Variants in RASSF5 observed in about 807,000 individuals in gnomAD.
RASSF5 encodes ras association domain-containing protein 5.
In RASSF5, 25 loss-of-function variants were observed where a neutral mutation model predicts 40.5. The ratio of observed to expected loss-of-function variants is 0.62; its 90% CI spans 0.45 to 0.86. The LOEUF is 0.86. Ranked by LOEUF, RASSF5 falls within the 40% of genes least tolerant of loss-of-function variation. The pLI, the probability that RASSF5 is intolerant of heterozygous loss-of-function variation, is 0.00. For missense variants in RASSF5, 521 were observed against 572.8 expected (o/e 0.91, Z 0.92); for synonymous variants, 246 against 252.4 (o/e 0.97, Z 0.24).
chr1:206,556,807 C>T (rs1164057426), intron 2 of RASSF5, among the ~76,000 whole-genome samples: 1 of 152,086 alleles, frequency 6.6e-6, no homozygotes, highest in East Asian at 1.9e-4. Context: ...GACCCGGCTC[C>T]CCCACCCAGC....
chr1:206,549,274 A>ATTGTAATTTT (rs1477520189), intron 2 of RASSF5, among the ~76,000 whole-genome samples: 1 of 152,056 alleles, frequency 6.6e-6, no homozygotes, highest in East Asian at 1.9e-4. Context: ...TTCCCATCAA[A>ATTGTAATTTT]GGCATTGTAA....
intron 2 of RASSF5, among the ~76,000 whole-genome samples, chr1:206,539,437 C>A (rs1242674401): frequency 6.6e-6 from 1 of 152,170 alleles, no homozygotes; most frequent in Non-Finnish European, 1.5e-5. Flanking sequence ...TTCTGGAACA[C>A]AATCAACAGT....
At position 206,586,972 on chromosome 1, in the gene RASSF5, T is replaced by C; in HGVS notation, c.1251T>C (p.Pro417=). 1 of 1,614,146 alleles carries C rather than the reference T, an allele frequency of 6.2e-7. No homozygotes were observed. The highest frequency in any genetic ancestry group is 2.2e-5 in the East Asian group (1 of 44,888). ...CCTTAAGAGAATCCCAGGGCAAACCTGGGTAACCGGTCCTGCTTCCTCTCC... is the reference window on the plus strand; with the variant it reads ...CCTTAAGAGAATCCCAGGGCAAACCCGGGTAACCGGTCCTGCTTCCTCTCC... ...EEALRESQGK[P]G Residue 417 remains proline (P), a synonymous_variant, in exon 6 of 6, where the codon CCT becomes CCC. Coordinates refer to ENST00000579436, the MANE Select transcript of RASSF5 (RefSeq NM_182663.4).
chr1:206,549,636 T>C (rs1553400796), intron 2 of RASSF5, among the ~76,000 whole-genome samples: 1 of 152,202 alleles, frequency 6.6e-6, no homozygotes, highest in Non-Finnish European at 1.5e-5. Flanking sequence ...CTGAGTTTTG[T>C]TCTAGGACCC....
At chr1:206,523,399 AATATAAATATT>A (rs2103508949) in intron 1 of RASSF5, among the ~76,000 whole-genome samples, 1 of 101,028 alleles carries the variant, frequency 9.9e-6, no homozygotes, top group East Asian at 2.5e-4. Flanking sequence ...ATTTAATATA[AATATAAATATT>A]ATATATTATA....
At chr1:206,530,626 G>A (rs529096473) in intron 1 of RASSF5, among the ~76,000 whole-genome samples, 1 of 152,224 alleles carries the variant, frequency 6.6e-6, no homozygotes, top group Non-Finnish European at 1.5e-5. Flanking sequence ...TCTGAAACTA[G>A]AGTGAGATTT....
rs1038163442 is a variant in RASSF5 at position 206,584,322 on chromosome 1, G to C, written c.691-65G>C. 6.7e-7 allele frequency: 1 copy of C among 1,500,958 alleles called. No homozygotes were observed. Among genetic ancestry groups the C allele is most frequent in the Non-Finnish European group, 9.0e-7 (1 of 1,110,250 alleles). The allele number at this position is 1,500,958 out of a possible 1,614,324, so 93.0% of individuals were successfully genotyped here. The stretch of plus-strand genomic sequence containing the variant: ...TGGGTGCTGCTGGGGCAATGGCCCC[G>C]AGTGGCAGATATGATCATGCAAGGC... On this transcript the variant is annotated intron_variant, in intron 3 of 5. Coordinates refer to ENST00000579436, the MANE Select transcript of RASSF5 (RefSeq NM_182663.4). The surrounding 1 kb of genome is among the most constrained non-coding windows in gnomAD (Gnocchi z 4.9).
At position 206,588,313 on chromosome 1, in the gene RASSF5, A is replaced by G. The variant is rs1450653019; in HGVS notation, c.*1335A>G. On this transcript the variant is annotated 3_prime_UTR_variant, in exon 6 of 6. Transcript: ENST00000579436. ...TCTGGGTGCCTGAGTTTTGACTCCA[A>G]TCAGTGATACCAGACCACATTGACA... 2.0e-5 allele frequency: 3 copies of G among 152,530 alleles called. No individual in the cohort carries two copies. The highest frequency in any genetic ancestry group is 4.4e-5 in the Non-Finnish European group (3 of 68,038). The allele number at this position is 152,530 out of a possible 1,614,324, so 9.4% of individuals were successfully genotyped here. A position where few individuals can be genotyped will look rare whatever the true frequency, so the allele number is the denominator to read the frequency against.
intron 2 of RASSF5, among the ~76,000 whole-genome samples, chr1:206,555,849 C>T (rs1182499120): frequency 2.0e-5 from 3 of 152,168 alleles, no homozygotes; most frequent in Non-Finnish European, 2.9e-5. Context: ...CGAGCACTGA[C>T]GGATTTGGCT....
intron 1 of RASSF5, among the ~76,000 whole-genome samples, chr1:206,523,723 T>TTATA (rs201959796): frequency 1.1e-5 from 1 of 91,486 alleles, no homozygotes; most frequent in Non-Finnish European, 1.9e-5. Flanking sequence ...TACAATATAT[T>TTATA]TATATATTAT....
rs1274504080 is a variant in RASSF5, at chr1:206,561,964, G to A, written c.580-21305G>A. ...ATTACAGGAGTGAGCCACCGCACCC[G>A]GCCTATAGTTAAATATTATACTTAA... On this transcript the variant is annotated intron_variant, in intron 2 of 5. Transcript: ENST00000579436. Among the ~76,000 whole-genome samples, 5 of 151,844 alleles carry A rather than the reference G, an allele frequency of 3.3e-5. No individual in the cohort carries two copies. The South Asian group carries it at 6.2e-4, about 19-fold the overall frequency.
At chr1:206,574,985 G>A (rs1015121423) in intron 2 of RASSF5, among the ~76,000 whole-genome samples, 2 of 150,312 alleles carry the variant, frequency 1.3e-5, no homozygotes, top group East Asian at 2.0e-4. Flanking sequence ...TTAGCCTCCC[G>A]AGTAGTTGGG....
intron 1 of RASSF5, among the ~76,000 whole-genome samples, chr1:206,522,284 A>T (rs1666926442): frequency 6.6e-6 from 1 of 152,178 alleles, no homozygotes; most frequent in African/African-American, 2.4e-5. Context: ...AGCTGGGTAG[A>T]TGTGGAAAGA....
At position 206,531,882 on chromosome 1, in the gene RASSF5, A is replaced by T. The variant is rs1317854547; in HGVS notation, c.458-6290A>T. The stretch of plus-strand genomic sequence containing the variant: ...GAAACCCTGTCTCTACTAAAAAAAA[A>T]TAAATAAATAAATACAAAAATTAGC... On this transcript the variant is annotated intron_variant, in intron 1 of 5. Transcript: ENST00000579436. The surrounding 1 kb of genome is among the most constrained non-coding windows in gnomAD (Gnocchi z 4.7). 3.4e-5 allele frequency among the ~76,000 whole-genome samples: 5 copies of T among 145,160 alleles called. No individual in the cohort carries two copies. The highest frequency in any genetic ancestry group is 2.0e-4 in the East Asian group (1 of 5,114).
chr1:206,573,495 A>G (rs887299669), intron 2 of RASSF5, among the ~76,000 whole-genome samples: 2 of 152,240 alleles, frequency 1.3e-5, no homozygotes, highest in East Asian at 3.8e-4. Flanking sequence ...TCTCTCACGG[A>G]ACTCAGTATA....
chr1:206,584,490 T>C lies in RASSF5; in HGVS notation c.794T>C (p.Ile265Thr). 1 of 1,614,070 alleles carries C rather than the reference T, an allele frequency of 6.2e-7. No individual in the cohort carries two copies. Among genetic ancestry groups the C allele is most frequent in the Admixed American group, 1.7e-5 (1 of 60,014 alleles). ...CGGCCCCAGTCCATCTATGATGCCATCAAGGAGGTGAACCTGGCGGCTACC... is the reference window on the plus strand; with the variant it reads ...CGGCCCCAGTCCATCTATGATGCCACCAAGGAGGTGAACCTGGCGGCTACC... ...GIRPQSIYDA[I>T]KEVNLAATTD... The change falls in exon 4 of 6, where the codon ATC becomes ACC. Residue 265 changes from isoleucine to threonine, a missense_variant. Physicochemically the swap from Ile to Thr is moderately conservative, Grantham distance 89 (BLOSUM62 -1). Transcript: ENST00000579436. The surrounding 1 kb of genome is among the most constrained non-coding windows in gnomAD (Gnocchi z 4.9).
intron 2 of RASSF5, among the ~76,000 whole-genome samples, chr1:206,582,029 G>A (rs1389410131): frequency 6.6e-6 from 1 of 152,138 alleles, no homozygotes; most frequent in Non-Finnish European, 1.5e-5. Flanking sequence ...TTTACCAAAG[G>A]AGAATCCTGA....
At chr1:206,577,551 A>G (rs560335691) in intron 2 of RASSF5, among the ~76,000 whole-genome samples, 1 of 152,228 alleles carries the variant, frequency 6.6e-6, no homozygotes, top group Non-Finnish European at 1.5e-5. Context: ...TCTCAAGATC[A>G]TGTAGTTAGT....
rs1292620393 is a variant in RASSF5 at position 206,531,388 on chromosome 1, G to C, written c.458-6784G>C. Among the ~76,000 whole-genome samples, 1 of 152,228 alleles carries C rather than the reference G, an allele frequency of 6.6e-6. No individual in the cohort carries two copies. The highest frequency in any genetic ancestry group is 1.5e-5 in the Non-Finnish European group (1 of 68,044). On this transcript the variant is annotated intron_variant, in intron 1 of 5. Transcript: ENST00000579436. The surrounding 1 kb of genome is among the most constrained non-coding windows in gnomAD (Gnocchi z 4.7). ...CGGTGAGGTTGCAGAGGGAACAACT[G>C]TGTCTATTGTATGAGAACCTGAGTC... is the stretch of plus-strand genomic sequence containing the variant.
Sources: allele counts gnomAD v4.1 joint callset (sites outside exome capture counted in the v4.1 genomes callset), GRCh38; gene constraint gnomAD v4.1.1; non-coding constraint Gnocchi (gnomAD v3.1); transcripts MANE v1.5; gene names NCBI Gene and HGNC (gene_info 2026-07-23, HGNC 2026-07-21).